Variants in ZC3H7B observed in about 807,000 individuals in gnomAD.
ZC3H7B encodes the protein zinc finger CCCH-type containing 7B, also known as zinc finger CCCH domain-containing protein 7B.
ZC3H7B carries 35 observed loss-of-function variants against 116.0 expected under a neutral mutation model. That is an observed-to-expected ratio of 0.30 (90% confidence interval 0.23 to 0.40). ZC3H7B has a LOEUF of 0.40. Ranked by LOEUF, ZC3H7B falls within the 10% of genes least tolerant of loss-of-function variation. ZC3H7B has a pLI of 1.00. For missense variants in ZC3H7B, 1,011 were observed against 1,321.5 expected, an observed-to-expected ratio of 0.77 and a Z score of 3.64; for synonymous variants, 502 against 545.6, an observed-to-expected ratio of 0.92 and a Z score of 1.11.
chr22:41,325,657 G>A (rs376155228), intron 3 of ZC3H7B, 60 bp downstream of exon 3: 8 of 1,607,438 alleles, frequency 5.0e-6, no homozygotes, highest in African/African-American at 4.0e-5. Context: ...GGGGAGAGGC[G>A]TGGGCCGGGT....
intron 12 of ZC3H7B, among the ~76,000 whole-genome samples, 180 bp downstream of exon 12, chr22:41,342,808 C>T (rs1325615403): frequency 6.6e-6 from 1 of 152,208 alleles, no homozygotes; most frequent in Non-Finnish European, 1.5e-5. Flanking sequence ...TGCCAGGCAC[C>T]ACCTTCACAG....
intron 7 of ZC3H7B, chr22:41,332,579 A>C (rs1027265205): frequency 8.1e-6 from 2 of 247,714 alleles, no homozygotes; most frequent in South Asian, 1.6e-4. Flanking sequence ...CTGGGCCTCA[A>C]ATGTCTTCCT....
Position 41,357,557 on chromosome 22 carries a change from T to C in ZC3H7B, c.*128T>C. 9.5e-7 allele frequency: 1 copy of C among 1,047,158 alleles called. No homozygotes were observed. The highest frequency in any genetic ancestry group is 1.3e-6 in the Non-Finnish European group (1 of 756,148). The allele number at this position is 1,047,158 out of a possible 1,614,324, so 64.9% of individuals were successfully genotyped here. ...CCTCATCAGGCAGCCCCCAGCCCCCTGAGGCCCTGTCCATCTTCTCCCCAC... is the reference window on the plus strand; with the variant it reads ...CCTCATCAGGCAGCCCCCAGCCCCCCGAGGCCCTGTCCATCTTCTCCCCAC... On this transcript the variant is annotated 3_prime_UTR_variant, in exon 23 of 23. Transcript: ENST00000352645. The surrounding 1 kb of genome is among the most constrained non-coding windows in gnomAD (Gnocchi z 5.4).
intron 1 of ZC3H7B, among the ~76,000 whole-genome samples, chr22:41,312,911 T>C (rs956635330): frequency 1.3e-5 from 2 of 152,090 alleles, no homozygotes; most frequent in African/African-American, 4.8e-5. Context: ...TTATAATACA[T>C]CCTATGCAAA....
At chr22:41,322,485 C>G (rs1299440102) in intron 2 of ZC3H7B, among the ~76,000 whole-genome samples, 1 of 152,082 alleles carries the variant, frequency 6.6e-6, no homozygotes, top group East Asian at 1.9e-4. Flanking sequence ...CGCATCCAGC[C>G]CGACATTTGT....
chr22:41,355,376 C>T, intron 17 of ZC3H7B, 93 bp from the exon 18 acceptor site: 2 of 1,534,006 alleles, frequency 1.3e-6, no homozygotes, highest in East Asian at 2.3e-5. Context: ...CAGCTTATTC[C>T]AAGGCTCTCC....
intron 1 of ZC3H7B, among the ~76,000 whole-genome samples, chr22:41,319,420 A>C (rs2036226665): frequency 1.3e-5 from 2 of 151,884 alleles, no homozygotes; most frequent in South Asian, 4.2e-4. Context: ...CAAAGCAAAA[A>C]GTAGCCGGGC....
chr22:41,329,767 TTAAAA>T (rs753402020), intron 5 of ZC3H7B, among the ~76,000 whole-genome samples: 17 of 152,288 alleles, frequency 1.1e-4, no homozygotes, highest in Non-Finnish European at 1.8e-4. Context: ...AAAGATTATA[TTAAAA>T]TAAAAACAAA....
chr22:41,309,720 C>T (rs1298187077), intron 1 of ZC3H7B, among the ~76,000 whole-genome samples: 1 of 152,132 alleles, frequency 6.6e-6, no homozygotes, highest in Non-Finnish European at 1.5e-5. Flanking sequence ...GTTTATTTGT[C>T]TTCCTGCCCA....
At chr22:41,350,217 A>G (rs572672572) in intron 16 of ZC3H7B, among the ~76,000 whole-genome samples, 3 of 152,306 alleles carry the variant, frequency 2.0e-5, no homozygotes, top group Admixed American at 1.3e-4. Flanking sequence ...CTGCACAGAA[A>G]GGATGGTCCC....
chr22:41,339,938 C>A lies in ZC3H7B; in HGVS notation c.939C>A (p.Ser313=). The change falls in exon 10 of 23, where the codon TCC becomes TCA. Residue 313 remains serine (S), a synonymous_variant. Transcript: ENST00000352645. ...TGGTGGGTGGCTCCATCCCTGTCTC[C>A]AGCCCACTGCCCCCCGCCTCCTTCG... ...PPVVGGSIPV[S]SPLPPASFGL... The A allele has an allele frequency of 6.2e-7, 1 of 1,613,352 alleles. No individual in the cohort carries two copies. Among genetic ancestry groups the A allele is most frequent in the South Asian group, 1.1e-5 (1 of 91,084 alleles).
At position 41,351,493 on chromosome 22, in the gene ZC3H7B, T is replaced by G; in HGVS notation, c.1949-68T>G. 4 of 1,454,342 alleles carry G rather than the reference T, an allele frequency of 2.8e-6. No homozygotes were observed. The highest frequency in any genetic ancestry group is 3.8e-6 in the Non-Finnish European group (4 of 1,064,324). 90.1% of individuals were successfully genotyped at this position (1,454,342 alleles called of 1,614,324 possible). A position where few individuals can be genotyped will look rare whatever the true frequency, so the allele number is the denominator to read the frequency against. On this transcript the variant is annotated intron_variant, in intron 16 of 22. Transcript: ENST00000352645. The surrounding 1 kb of genome is among the most constrained non-coding windows in gnomAD (Gnocchi z 5.1). Reference sequence around the variant, plus strand: ...GGCCTCGGGGGTCCCTGGCACCTCGTGGACCCCCTGCCTCCCTCCTTGCTG... The same window carrying G: ...GGCCTCGGGGGTCCCTGGCACCTCGGGGACCCCCTGCCTCCCTCCTTGCTG...
At chr22:41,326,460 TCCATAGCCTCCTCACTGTTCCTC>T (rs2036320179) in intron 4 of ZC3H7B, among the ~76,000 whole-genome samples, 1 of 126,122 alleles carries the variant, frequency 7.9e-6, no homozygotes, top group South Asian at 2.3e-4. Flanking sequence ...CACTGTTTCT[TCCATAGCCTCCTCACTGTTCCTC>T]CCATAGTCTC....
chr22:41,343,046 G>A (rs996811399), intron 12 of ZC3H7B, among the ~76,000 whole-genome samples: 21 of 152,128 alleles, frequency 1.4e-4, no homozygotes, highest in African/African-American at 5.1e-4. Flanking sequence ...GGTGGTGCTC[G>A]CTTATAGTCC....
Position 41,330,015 on chromosome 22 carries a change from C to G in ZC3H7B, c.445-8C>G. On this transcript the variant is annotated splice_polypyrimidine_tract_variant and splice_region_variant and intron_variant, in intron 5 of 22. Transcript: ENST00000352645. ...CTGACCCACCGCCCTGTGTCTTGTC[C>G]TCTGCAGGATGAAAGCGTGACTCAG... 6.2e-7 allele frequency: 1 copy of G among 1,613,672 alleles called. No homozygotes were observed. Among genetic ancestry groups the G allele is most frequent in the Non-Finnish European group, 8.5e-7 (1 of 1,179,974 alleles).
At chr22:41,320,331 C>CAAAAA (rs74353356) in intron 1 of ZC3H7B, among the ~76,000 whole-genome samples, 7 of 86,450 alleles carry the variant, frequency 8.1e-5, no homozygotes, top group Admixed American at 1.2e-4. Context: ...ACTCTGTATC[C>CAAAAA]AAAAAAAAAA....
Position 41,338,892 on chromosome 22 carries a change from A to G in ZC3H7B, c.626-109A>G, listed in dbSNP as rs2036479198. 1 of 1,230,358 alleles carries G rather than the reference A, an allele frequency of 8.1e-7. No homozygotes were observed. The highest frequency in any genetic ancestry group is 2.5e-5 in the Admixed American group (1 of 40,404). The allele number at this position is 1,230,358 out of a possible 1,614,324, so 76.2% of individuals were successfully genotyped here. A position where few individuals can be genotyped will look rare whatever the true frequency, so the allele number is the denominator to read the frequency against. ...TGGGGAAGGCAGGGCTCCTGGCAAGAGCTGAAAGAAGAAGGGAAAGTGTTG... is the reference window on the plus strand; with the variant it reads ...TGGGGAAGGCAGGGCTCCTGGCAAGGGCTGAAAGAAGAAGGGAAAGTGTTG... On this transcript the variant is annotated intron_variant, in intron 8 of 22. Transcript: ENST00000352645. The surrounding 1 kb of genome is among the most constrained non-coding windows in gnomAD (Gnocchi z 4.5).
chr22:41,350,695 G>A (rs1414778817), intron 16 of ZC3H7B, among the ~76,000 whole-genome samples: 1 of 152,172 alleles, frequency 6.6e-6, no homozygotes, highest in Non-Finnish European at 1.5e-5. Context: ...CTCAGTGTGG[G>A]ACGTGGGAAG....
At chr22:41,342,789 G>A (rs2036538560) in intron 12 of ZC3H7B, among the ~76,000 whole-genome samples, 161 bp downstream of exon 12, 1 of 152,192 alleles carries the variant, frequency 6.6e-6, no homozygotes, top group Non-Finnish European at 1.5e-5. Flanking sequence ...GGAGTTTGGG[G>A]TCTGTCCCTG....
Sources: allele counts gnomAD v4.1 joint callset (sites outside exome capture counted in the v4.1 genomes callset), GRCh38; gene constraint gnomAD v4.1.1; non-coding constraint Gnocchi (gnomAD v3.1); transcripts MANE v1.5; gene names NCBI Gene and HGNC (gene_info 2026-07-23, HGNC 2026-07-21).